CACNA2D3: variants seen among roughly 807,000 people sequenced by gnomAD.
CACNA2D3 encodes the protein calcium voltage-gated channel auxiliary subunit alpha2delta 3, also known as voltage-dependent calcium channel subunit alpha-2/delta-3.
A neutral mutation model predicts 160.6 loss-of-function variants in CACNA2D3; 60 were observed. The observed-to-expected ratio is 0.37, with a 90% confidence interval of 0.30 to 0.46. The LOEUF (loss-of-function observed/expected upper bound fraction) is 0.46. Ranked by LOEUF, CACNA2D3 falls within the 20% of genes least tolerant of loss-of-function variation. The pLI is 1.00. For synonymous variants in CACNA2D3, 558 were observed against 492.9 expected, an observed-to-expected ratio of 1.13 and a Z score of -1.75; for missense variants, 1,205 against 1,365.0, an observed-to-expected ratio of 0.88 and a Z score of 1.85.
intron 2 of CACNA2D3, among the ~76,000 whole-genome samples, chr3:54,235,245 G>T (rs1701851783): frequency 6.6e-6 from 1 of 152,128 alleles, no homozygotes; most frequent in African/African-American, 2.4e-5. Context: ...TCCTGTATTA[G>T]TCCATTCTCA....
At chr3:54,230,730 C>G (rs772132546) in intron 2 of CACNA2D3, among the ~76,000 whole-genome samples, 1 of 152,026 alleles carries the variant, frequency 6.6e-6, no homozygotes, top group Non-Finnish European at 1.5e-5. Flanking sequence ...TCTATTTTGC[C>G]AAGGAATCTA....
chr3:54,328,068 A>G (rs1405687110), intron 3 of CACNA2D3, among the ~76,000 whole-genome samples: 2 of 152,204 alleles, frequency 1.3e-5, no homozygotes, highest in East Asian at 3.9e-4. Flanking sequence ...TTGTCCATTT[A>G]TTTGATGCAT....
intron 27 of CACNA2D3, among the ~76,000 whole-genome samples, chr3:54,934,857 G>A (rs914770802): frequency 2.0e-5 from 3 of 151,976 alleles, no homozygotes; most frequent in Non-Finnish European, 4.4e-5. Context: ...TCAGCCTCCC[G>A]AGTAGCTGGG....
At chr3:54,134,278 G>T (rs2107257742) in intron 2 of CACNA2D3, among the ~76,000 whole-genome samples, 1 of 152,192 alleles carries the variant, frequency 6.6e-6, no homozygotes, top group Non-Finnish European at 1.5e-5. Flanking sequence ...CTCCTTTGGT[G>T]GTGAGCGGGG....
In CACNA2D3 at chr3:55,074,386, T is replaced by TTATC; in HGVS notation, c.*185_*188dup. On this transcript the variant is annotated 3_prime_UTR_variant, in exon 38 of 38. Transcript: ENST00000474759. ...CTCTTAAAGATATGTTGACAAAAAG[T>TTATC]TATCTATCATCTTTTTACTTTGCCA... 3.5e-6 allele frequency: 2 copies of TTATC among 579,630 alleles called. No individual in the cohort carries two copies. Among genetic ancestry groups the TTATC allele is most frequent in the Non-Finnish European group, 6.1e-6 (2 of 325,548 alleles). 35.9% of individuals were successfully genotyped at this position (579,630 alleles called of 1,614,324 possible).
intron 17 of CACNA2D3, among the ~76,000 whole-genome samples, chr3:54,849,304 C>T (rs1315984305): frequency 1.4e-5 from 2 of 145,442 alleles, no homozygotes; most frequent in Admixed American, 6.6e-5. Flanking sequence ...AAGAGTCAGC[C>T]GGCATGAATA....
chr3:54,903,064 T>G (rs569440688), intron 27 of CACNA2D3, among the ~76,000 whole-genome samples: 2 of 152,322 alleles, frequency 1.3e-5, no homozygotes, highest in African/African-American at 4.8e-5. Flanking sequence ...TTTATTTAAC[T>G]TTATTTTAAG....
At chr3:54,298,789 A>G (rs1343238782) in intron 2 of CACNA2D3, among the ~76,000 whole-genome samples, 1 of 147,658 alleles carries the variant, frequency 6.8e-6, no homozygotes, top group Non-Finnish European at 1.5e-5. Flanking sequence ...GCCTAGAAGG[A>G]AAGTGGAGGC....
intron 11 of CACNA2D3, among the ~76,000 whole-genome samples, chr3:54,719,299 T>G (rs1158980079): frequency 6.6e-6 from 1 of 151,996 alleles, no homozygotes; most frequent in African/African-American, 2.4e-5. Context: ...TATGCTGCTT[T>G]TGATTTTCAT....
chr3:54,530,924 G>A (rs1701796379), intron 5 of CACNA2D3, among the ~76,000 whole-genome samples: 1 of 152,194 alleles, frequency 6.6e-6, no homozygotes, highest in Non-Finnish European at 1.5e-5. Flanking sequence ...CGGCCTAGCT[G>A]TTTCTCAGGG....
chr3:54,387,425 G>A (rs574183290), intron 4 of CACNA2D3, among the ~76,000 whole-genome samples: 14 of 152,332 alleles, frequency 9.2e-5, no homozygotes, highest in African/African-American at 2.9e-4. Flanking sequence ...ACTGAGGCAG[G>A]TGCATCGCTT....
intron 23 of CACNA2D3, among the ~76,000 whole-genome samples, chr3:54,887,643 C>G (rs1699956675): frequency 6.6e-6 from 1 of 152,030 alleles, no homozygotes; most frequent in Admixed American, 6.6e-5. Context: ...GGCTTCTGGT[C>G]TCCAAATCTG....
intron 4 of CACNA2D3, among the ~76,000 whole-genome samples, chr3:54,443,079 T>TGGC (rs1700169131): frequency 6.6e-6 from 1 of 152,200 alleles, no homozygotes; most frequent in Non-Finnish European, 1.5e-5. Flanking sequence ...TGGAAACTCC[T>TGGC]GGCTCACAGT....
intron 11 of CACNA2D3, among the ~76,000 whole-genome samples, chr3:54,676,918 G>C (rs11914862): frequency 1.2e-3 from 181 of 152,268 alleles, no homozygotes; most frequent in Admixed American, 2.0e-3. Flanking sequence ...GCACCAAGTA[G>C]GGAGTCAGAT....
At chr3:54,649,989 G>T (rs952803924) in intron 11 of CACNA2D3, among the ~76,000 whole-genome samples, 1 of 151,858 alleles carries the variant, frequency 6.6e-6, no homozygotes, top group Non-Finnish European at 1.5e-5. Flanking sequence ...TACTGCCTAG[G>T]TGTGCAGGTG....
intron 12 of CACNA2D3, among the ~76,000 whole-genome samples, chr3:54,758,360 A>C (rs1702014213): frequency 6.6e-6 from 1 of 152,094 alleles, no homozygotes; most frequent in Non-Finnish European, 1.5e-5. Flanking sequence ...CTGAGGCTCA[A>C]GCTGATTTTG....
At chr3:54,799,076 T>G (rs1043603783) in intron 13 of CACNA2D3, among the ~76,000 whole-genome samples, 3 of 152,256 alleles carry the variant, frequency 2.0e-5, no homozygotes, top group Non-Finnish European at 4.4e-5. Flanking sequence ...TTACCAAGTT[T>G]CTAAGAGTTT....
intron 5 of CACNA2D3, among the ~76,000 whole-genome samples, chr3:54,547,461 C>T (rs1023358418): frequency 4.6e-5 from 7 of 152,092 alleles, no homozygotes; most frequent in African/African-American, 7.2e-5. Context: ...ATATTGCCCA[C>T]TTCTTGGAAC....
At chr3:54,242,713 G>A (rs1328211587) in intron 2 of CACNA2D3, among the ~76,000 whole-genome samples, 1 of 152,270 alleles carries the variant, frequency 6.6e-6, no homozygotes, top group South Asian at 2.1e-4. Flanking sequence ...GCTCAGAATA[G>A]CGCACAATTT....
Sources: gnomAD v4.1 joint callset for allele counts (sites outside exome capture counted in the v4.1 genomes callset) on GRCh38, gnomAD v4.1.1 for gene constraint, MANE v1.5 for transcripts, NCBI Gene and HGNC (gene_info 2026-07-23, HGNC 2026-07-21) for gene names.